Variants in CKMT2 observed in about 807,000 individuals in gnomAD.
The protein encoded by CKMT2 is creatine kinase S-type, mitochondrial.
CKMT2 carries 43 observed loss-of-function variants against 48.9 expected under a neutral mutation model. The observed-to-expected ratio is 0.88, with a 90% CI of 0.69 to 1.13. The LOEUF is 1.13. Among genes scored for constraint, CKMT2 ranks in the 50% most tolerant of loss-of-function variants. CKMT2 has a pLI of 0.00. For synonymous variants in CKMT2, 206 were observed against 213.0 expected (o/e 0.97, Z 0.29); for missense variants, 472 against 555.4 (o/e 0.85, Z 1.51).
At chr5:81,254,355 T>A in intron 3 of CKMT2, 41 bp from the exon 4 acceptor site, 1 of 1,528,394 alleles carries the variant, frequency 6.5e-7, no homozygotes, top group Non-Finnish European at 9.1e-7. Flanking sequence ...AAATAGTAGG[T>A]GAACCAGTTA....
chr5:81,234,021 TAAAAAAAAA>T (rs536455571), intron 1 of CKMT2, among the ~76,000 whole-genome samples: 1 of 91,930 alleles, frequency 1.1e-5, no homozygotes, highest in African/African-American at 4.4e-5. Flanking sequence ...GGAGGTTAAT[TAAAAAAAAA>T]AAAAAAAAAA....
chr5:81,266,378 A>C lies in CKMT2; in HGVS notation c.*120A>C. The stretch of plus-strand genomic sequence containing the variant: ...AATTGTAGATCCTGCCTATCTTTAC[A>C]ATAAAACTCTCCTTAATATATCTTT... On this transcript the variant is annotated 3_prime_UTR_variant, in exon 10 of 10. Transcript: ENST00000254035. 1.1e-6 allele frequency: 1 copy of C among 912,648 alleles called. No individual in the cohort carries two copies. The highest frequency in any genetic ancestry group is 1.6e-6 in the Non-Finnish European group (1 of 611,198). The allele number at this position is 912,648 out of a possible 1,614,324, so 56.5% of individuals were successfully genotyped here. A position where few individuals can be genotyped will look rare whatever the true frequency, so the allele number is the denominator to read the frequency against.
chr5:81,253,012 C>T lies in CKMT2; in HGVS notation c.351+119C>T, dbSNP rs181935181. ...CAACTTTCTGCCTTCTCAGGAAGGG[C>T]TCTCATAAAGGGAAGCCAGCTCCAG... On this transcript the variant is annotated intron_variant, in intron 3 of 9. Coordinates refer to ENST00000254035, the MANE Select transcript of CKMT2 (RefSeq NM_001099735.2). 168 of 1,124,236 alleles carry T rather than the reference C, an allele frequency of 1.5e-4. 1 individual carries two copies. The East Asian group carries it at 3.0e-3, about 20-fold the overall frequency. The allele number at this position is 1,124,236 out of a possible 1,614,324, so 69.6% of individuals were successfully genotyped here.
intron 2 of CKMT2, among the ~76,000 whole-genome samples, 194 bp downstream of exon 2, chr5:81,251,478 C>T (rs1756812714): frequency 2.0e-5 from 3 of 152,140 alleles, no homozygotes; most frequent in Admixed American, 2.0e-4. Context: ...GTCCCAGCTA[C>T]TTGGGAGGCT....
At chr5:81,249,755 T>A (rs933322887) in intron 1 of CKMT2, among the ~76,000 whole-genome samples, 1 of 152,176 alleles carries the variant, frequency 6.6e-6, no homozygotes, top group African/African-American at 2.4e-5. Context: ...TTTTTCACTC[T>A]CATTTTTGAA....
chr5:81,252,637 C>T (rs1162058744), intron 2 of CKMT2, 58 bp from the exon 3 acceptor site: 6 of 1,566,266 alleles, frequency 3.8e-6, no homozygotes, highest in Non-Finnish European at 5.3e-6. Flanking sequence ...ACAAGTCCTT[C>T]CATTGGCCCC....
intron 8 of CKMT2, among the ~76,000 whole-genome samples, chr5:81,262,038 A>G (rs182600229): frequency 3.5e-4 from 53 of 152,328 alleles, no homozygotes; most frequent in African/African-American, 1.3e-3. Flanking sequence ...ATAACATCAC[A>G]CATCTACAAC....
intron 5 of CKMT2, 104 bp from the exon 6 acceptor site, chr5:81,256,811 G>C (rs1757026775): frequency 1.3e-6 from 1 of 752,922 alleles, no homozygotes; most frequent in African/African-American, 1.7e-5. Context: ...CTGCCTAAGA[G>C]ACAGCAGCCA....
rs141987643 is a variant in CKMT2 at position 81,255,080 on chromosome 5, G to A, written c.535G>A (p.Ala179Thr). ...CATCCGTGGGCTGAGCCTGCCTCCA[G>A]CCTGCACCCGGGCCGAGCGAAGGGA... ...RSIRGLSLPP[A>T]CTRAERREVE... Residue 179 changes from alanine to threonine, a missense_variant, in exon 5 of 10, where the codon GCC becomes ACC. Ala to Thr is a moderately conservative substitution (Grantham distance 58, BLOSUM62 0). Transcript: ENST00000254035. 1 of 1,614,058 alleles carries A rather than the reference G, an allele frequency of 6.2e-7. No homozygotes were observed. Among genetic ancestry groups the A allele is most frequent in the Non-Finnish European group, 8.5e-7 (1 of 1,180,012 alleles).
chr5:81,250,598 A>T (rs1756770661), intron 1 of CKMT2: 1 of 152,214 alleles, frequency 6.6e-6, no homozygotes, highest in African/African-American at 2.4e-5. Flanking sequence ...AGCCTCTTTC[A>T]AAGGTCCTAC....
At chr5:81,234,802 G>C (rs1266770815) in intron 1 of CKMT2, among the ~76,000 whole-genome samples, 1 of 152,132 alleles carries the variant, frequency 6.6e-6, no homozygotes. Flanking sequence ...AGACACAGGA[G>C]GGAGACTGAC....
chr5:81,242,966 T>C (rs757714901), intron 1 of CKMT2, among the ~76,000 whole-genome samples: 1 of 152,236 alleles, frequency 6.6e-6, no homozygotes, highest in African/African-American at 2.4e-5. Flanking sequence ...CTGACTTACT[T>C]GAGTGGCTTT....
chr5:81,254,383 T>G lies in CKMT2; in HGVS notation c.352-13T>G. Reference sequence around the variant, plus strand: ...ACCAGTTAAAGAGGAAACACCCATCTTCCCTCCTGCAGGTGTTTGCTGACC... The same window carrying G: ...ACCAGTTAAAGAGGAAACACCCATCGTCCCTCCTGCAGGTGTTTGCTGACC... On this transcript the variant is annotated splice_polypyrimidine_tract_variant and intron_variant, in intron 3 of 9. Transcript: ENST00000254035. The G allele has an allele frequency of 6.2e-7, 1 of 1,609,596 alleles. No homozygotes were observed. Among genetic ancestry groups the G allele is most frequent in the Non-Finnish European group, 8.5e-7 (1 of 1,175,782 alleles).
rs1554045839 is a variant in CKMT2, at chr5:81,250,982, A to ACACACACACACACACACACACACAC, written c.-20-131_-20-130insCACACACACACACACACACACACAC. 1.2e-5 allele frequency: 5 copies of ACACACACACACACACACACACACAC among 415,420 alleles called. No individual in the cohort carries two copies. The Admixed American group carries it at 2.0e-4, about 17-fold the overall frequency. The allele number at this position is 415,420 out of a possible 1,614,324, so 25.7% of individuals were successfully genotyped here. A position where few individuals can be genotyped will look rare whatever the true frequency, so the allele number is the denominator to read the frequency against. ...ACACACACACACACACACACACAGAAAGAGAGAGAGAGAGACAGAGACACC... is the reference window on the plus strand; with the variant it reads ...ACACACACACACACACACACACAGAACACACACACACACACACACACACACAGAGAGAGAGAGAGACAGAGACACC... On this transcript the variant is annotated intron_variant, in intron 1 of 9. Coordinates refer to ENST00000254035, the MANE Select transcript of CKMT2 (RefSeq NM_001099735.2).
chr5:81,255,325 T>C, intron 5 of CKMT2, 111 bp downstream of exon 5: 1 of 941,964 alleles, frequency 1.1e-6, no homozygotes, highest in Middle Eastern at 3.0e-4. Flanking sequence ...GGGAGCTTGC[T>C]GGGCTCCACC....
intron 1 of CKMT2, among the ~76,000 whole-genome samples, chr5:81,246,451 T>G (rs1756614009): frequency 6.6e-6 from 1 of 152,026 alleles, no homozygotes; most frequent in African/African-American, 2.4e-5. Flanking sequence ...TCACTTACAT[T>G]TTCTCTGAAT....
chr5:81,259,000 T>A (rs1757113293), intron 7 of CKMT2, 120 bp from the exon 8 acceptor site: 8 of 934,308 alleles, frequency 8.6e-6, no homozygotes, highest in Non-Finnish European at 1.3e-5. Flanking sequence ...TACTATAAAT[T>A]TACCTTAATT....
chr5:81,251,984 C>T (rs903911670), intron 2 of CKMT2: 8 of 153,316 alleles, frequency 5.2e-5, no homozygotes, highest in Admixed American at 1.3e-4. Context: ...ATCCAGGCCC[C>T]CTGATTCCAG....
chr5:81,234,240 G>A (rs965495649), intron 1 of CKMT2, among the ~76,000 whole-genome samples: 16 of 152,122 alleles, frequency 1.1e-4, no homozygotes, highest in Non-Finnish European at 1.9e-4. Context: ...GGTCTCCTCA[G>A]TGCTGCCCTT....
Sources: gnomAD v4.1 joint callset for allele counts (sites outside exome capture counted in the v4.1 genomes callset) on GRCh38, gnomAD v4.1.1 for gene constraint, MANE v1.5 for transcripts, NCBI Gene and HGNC (gene_info 2026-07-23, HGNC 2026-07-21) for gene names.